UMAD1: variants seen among roughly 807,000 people sequenced by gnomAD.
UMAD1 encodes UBAP1-MVB12-associated (UMA)-domain containing protein 1.
In UMAD1, 8 loss-of-function variants were observed where a neutral mutation model predicts 6.1. The ratio of observed to expected loss-of-function variants is 1.30; its 90% CI spans 0.76 to 2.35. UMAD1 has a LOEUF of 2.35. Among genes scored for constraint, UMAD1 ranks in the 30% most tolerant of loss-of-function variants. UMAD1 has a pLI of 0.00. For missense variants in UMAD1, 130 were observed against 78.4 expected (o/e 1.66, Z -2.49); for synonymous variants, 56 against 31.4 (o/e 1.78, Z -2.61).
intron 2 of UMAD1, among the ~76,000 whole-genome samples, chr7:7,798,204 C>T (rs183743377): frequency 6.6e-6 from 1 of 152,280 alleles, no homozygotes; most frequent in African/African-American, 2.4e-5. Flanking sequence ...AAAATGTTTA[C>T]TATCTGACCC....
At chr7:7,721,061 C>CA (rs887860747) in intron 2 of UMAD1, among the ~76,000 whole-genome samples, 5 of 152,038 alleles carry the variant, frequency 3.3e-5, no homozygotes, top group African/African-American at 1.2e-4. Flanking sequence ...GAAATGATGC[C>CA]ACCACAAGCC....
At chr7:7,752,404 T>C (rs1168709466) in intron 2 of UMAD1, among the ~76,000 whole-genome samples, 1 of 152,128 alleles carries the variant, frequency 6.6e-6, no homozygotes, top group Non-Finnish European at 1.5e-5. Flanking sequence ...TGTCATAATA[T>C]GTAACTATAA....
chr7:7,673,193 C>A, intron 1 of UMAD1, 116 bp from the exon 2 acceptor site: 2 of 732,106 alleles, frequency 2.7e-6, no homozygotes. Flanking sequence ...TTACATGTGG[C>A]CATAGAATTC....
chr7:7,734,073 T>C (rs1334036514), intron 2 of UMAD1, among the ~76,000 whole-genome samples: 3 of 152,108 alleles, frequency 2.0e-5, no homozygotes, highest in Non-Finnish European at 4.4e-5. Context: ...CAACCAACCC[T>C]TTTTTTAAAC....
chr7:7,776,933 C>A (rs183751411), intron 2 of UMAD1, among the ~76,000 whole-genome samples: 1 of 152,186 alleles, frequency 6.6e-6, no homozygotes, highest in Non-Finnish European at 1.5e-5. Flanking sequence ...TACTGTTCAT[C>A]TTTTATGTAT....
intron 1 of UMAD1, among the ~76,000 whole-genome samples, chr7:7,642,434 C>T (rs906170837): frequency 2.0e-5 from 3 of 150,940 alleles, no homozygotes; most frequent in Non-Finnish European, 4.4e-5. Context: ...ACTGGAATTA[C>T]AGGTGTGAGC....
At chr7:7,649,133 G>C (rs531508883) in intron 1 of UMAD1, among the ~76,000 whole-genome samples, 1 of 141,362 alleles carries the variant, frequency 7.1e-6, no homozygotes. Context: ...ACTCCAGCCC[G>C]TGCGACAAGA....
intron 3 of UMAD1, among the ~76,000 whole-genome samples, chr7:7,847,107 ATATATATATATATATATATATAT>A (rs1783817389): frequency 2.1e-4 from 1 of 4,878 alleles, no homozygotes; most frequent in Admixed American, 1.8e-3. Flanking sequence ...AAAAAAAAAT[ATATATATATATATATATATATAT>A]ATATATATAT....
At chr7:7,686,699 G>A (rs749425299) in intron 2 of UMAD1, among the ~76,000 whole-genome samples, 5 of 152,136 alleles carry the variant, frequency 3.3e-5, no homozygotes, top group Non-Finnish European at 5.9e-5. Flanking sequence ...TAGCTTCACT[G>A]TGATATGGGG....
intron 2 of UMAD1, chr7:7,742,432 C>G (rs1781490373): frequency 3.6e-6 from 2 of 562,356 alleles, no homozygotes; most frequent in African/African-American, 3.8e-5. Context: ...ACGGGCAGAT[C>G]TTTCTTTTTT....
chr7:7,722,747 T>C (rs763682556), intron 2 of UMAD1, among the ~76,000 whole-genome samples: 1 of 152,214 alleles, frequency 6.6e-6, no homozygotes, highest in Non-Finnish European at 1.5e-5. Flanking sequence ...TGTGGGTGGC[T>C]GACCTGTAAT....
intron 1 of UMAD1, among the ~76,000 whole-genome samples, chr7:7,666,300 C>A (rs1779454673): frequency 6.6e-6 from 1 of 151,908 alleles, no homozygotes; most frequent in Non-Finnish European, 1.5e-5. Flanking sequence ...ACATCCTGGT[C>A]TCAAGCAATC....
chr7:7,782,037 C>G (rs1040080954), intron 2 of UMAD1, among the ~76,000 whole-genome samples: 1 of 152,026 alleles, frequency 6.6e-6, no homozygotes, highest in Non-Finnish European at 1.5e-5. Context: ...TAAAAATAAT[C>G]TATCATTACG....
chr7:7,833,380 A>G (rs1452040564), intron 3 of UMAD1, among the ~76,000 whole-genome samples: 1 of 152,168 alleles, frequency 6.6e-6, no homozygotes, highest in Non-Finnish European at 1.5e-5. Flanking sequence ...ATTTCTTGAT[A>G]TCGGCAACTA....
intron 2 of UMAD1, among the ~76,000 whole-genome samples, chr7:7,787,703 A>G (rs1008782542): frequency 3.9e-5 from 6 of 152,150 alleles, no homozygotes; most frequent in African/African-American, 1.2e-4. Context: ...CAAAGGCACT[A>G]TTGACTCCTT....
chr7:7,644,829 T>G (rs1368444601), intron 1 of UMAD1, among the ~76,000 whole-genome samples: 2 of 152,240 alleles, frequency 1.3e-5, no homozygotes, highest in African/African-American at 2.4e-5. Flanking sequence ...CTGTATAGAA[T>G]GTAGCTTATG....
intron 2 of UMAD1, among the ~76,000 whole-genome samples, chr7:7,797,410 C>G (rs143108128): frequency 4.4e-4 from 67 of 152,264 alleles, no homozygotes; most frequent in South Asian, 1.7e-3. Flanking sequence ...GAACAATGAA[C>G]CTATTATGGT....
At chr7:7,809,943 G>A (rs951800678) in intron 3 of UMAD1, among the ~76,000 whole-genome samples, 2 of 152,006 alleles carry the variant, frequency 1.3e-5, no homozygotes, top group Non-Finnish European at 2.9e-5. Context: ...ACAGACTTTG[G>A]TTACTACTCC....
intron 1 of UMAD1, among the ~76,000 whole-genome samples, chr7:7,661,025 G>C (rs1481738558): frequency 6.7e-6 from 1 of 150,170 alleles, no homozygotes; most frequent in African/African-American, 2.4e-5. Context: ...TTTTTGTTTT[G>C]TTTTCTAATC....
Sources: allele counts gnomAD v4.1 joint callset (sites outside exome capture counted in the v4.1 genomes callset), GRCh38; gene constraint gnomAD v4.1.1; transcripts MANE v1.5; gene names NCBI Gene and HGNC (gene_info 2026-07-23, HGNC 2026-07-21).